Variants in PHC3 observed in about 807,000 individuals in gnomAD.
PHC3 encodes the protein polyhomeotic homolog 3.
A neutral mutation model predicts 107.4 loss-of-function variants in PHC3; 13 were observed. The observed-to-expected ratio is 0.12, with a 90% CI of 0.08 to 0.19. The LOEUF is 0.19. PHC3 is among the 10% of genes least tolerant of loss of function. The pLI, the probability that PHC3 is intolerant of heterozygous loss-of-function variation, is 1.00. For synonymous variants in PHC3, 456 were observed against 427.4 expected, an observed-to-expected ratio of 1.07 and a Z score of -0.83; for missense variants, 992 against 1,210.9, an observed-to-expected ratio of 0.82 and a Z score of 2.68.
At chr3:170,172,764 T>C in intron 2 of PHC3, 52 bp from the exon 3 acceptor site, 1 of 1,536,918 alleles carries the variant, frequency 6.5e-7, no homozygotes, top group Non-Finnish European at 8.8e-7. Context: ...ACCTTTATCT[T>C]AATCAGAAAA....
intron 6 of PHC3, among the ~76,000 whole-genome samples, chr3:170,137,192 C>A (rs746955326): frequency 1.4e-4 from 21 of 152,114 alleles, no homozygotes; most frequent in Non-Finnish European, 2.6e-4. Context: ...CATTTTCAAG[C>A]AACTCTTTTA....
At chr3:170,099,683 A>C (rs1355785189) in intron 14 of PHC3, among the ~76,000 whole-genome samples, 1 of 152,294 alleles carries the variant, frequency 6.6e-6, no homozygotes, top group East Asian at 1.9e-4. Context: ...GTCTGGCATC[A>C]CTTCTCCAGC....
intron 1 of PHC3, among the ~76,000 whole-genome samples, chr3:170,179,582 A>G (rs995639195): frequency 1.3e-5 from 2 of 152,242 alleles, no homozygotes; most frequent in Non-Finnish European, 2.9e-5. Flanking sequence ...GAGAAGCAGC[A>G]AACAGCAACT....
chr3:170,148,662 C>T (rs1157065727), intron 5 of PHC3: 1 of 153,446 alleles, frequency 6.5e-6, no homozygotes, highest in African/African-American at 2.4e-5. Context: ...ACTTTAACAA[C>T]AAAGTTTTTT....
intron 8 of PHC3, among the ~76,000 whole-genome samples, chr3:170,123,054 G>A (rs887012762): frequency 1.3e-5 from 2 of 151,924 alleles, no homozygotes; most frequent in African/African-American, 4.8e-5. Context: ...ATAAAATAAC[G>A]ATTTTGGGAA....
intron 4 of PHC3, among the ~76,000 whole-genome samples, chr3:170,162,057 T>C (rs1044330290): frequency 6.6e-6 from 1 of 152,234 alleles, no homozygotes; most frequent in African/African-American, 2.4e-5. Flanking sequence ...TTAGATAATT[T>C]AATTTTACAG....
intron 6 of PHC3, among the ~76,000 whole-genome samples, chr3:170,141,610 T>C (rs552671539): frequency 6.6e-6 from 1 of 152,234 alleles, no homozygotes; most frequent in East Asian, 1.9e-4. Flanking sequence ...TAAATTCTTT[T>C]TTTGTTTTGT....
chr3:170,169,400 C>G (rs986688150), intron 4 of PHC3, among the ~76,000 whole-genome samples: 2 of 152,174 alleles, frequency 1.3e-5, no homozygotes, highest in Admixed American at 1.3e-4. Context: ...ACCATGCTCC[C>G]CCCCGTTTTT....
At chr3:170,103,629 A>C (rs766594509) in intron 12 of PHC3, among the ~76,000 whole-genome samples, 2 of 152,220 alleles carry the variant, frequency 1.3e-5, no homozygotes, top group Non-Finnish European at 2.9e-5. Flanking sequence ...TGGATCCTAA[A>C]GCCCTGGAAC....
chr3:170,102,634 C>T lies in PHC3; in HGVS notation c.2678G>A (p.Arg893His), dbSNP rs766618423. 24 of 1,613,826 alleles carry T rather than the reference C, an allele frequency of 1.5e-5. No individual in the cohort carries two copies. Among genetic ancestry groups the T allele is most frequent in the Non-Finnish European group, 1.9e-5 (23 of 1,179,862 alleles). Residue 893 changes from arginine to histidine, a missense_variant, in exon 14 of 15, where the codon CGT becomes CAT. Arg to His is a conservative substitution (Grantham distance 29). Transcript: ENST00000495893. ...TTCCCGCTCGCTCTGCCTGCGCAGA[C>T]GAGTTGTCATAGCAGATGGCACAGA... ...EDSVPSAMTT[R>H]LRRQSERERE...
chr3:170,114,847 C>G (rs893032051), intron 10 of PHC3, among the ~76,000 whole-genome samples: 1 of 152,190 alleles, frequency 6.6e-6, no homozygotes, highest in African/African-American at 2.4e-5. Context: ...GAAACTTCTA[C>G]ATTTAACTTT....
At chr3:170,127,894 T>C (rs900300982) in intron 8 of PHC3, among the ~76,000 whole-genome samples, 6 of 152,184 alleles carry the variant, frequency 3.9e-5, no homozygotes, top group Middle Eastern at 3.2e-3. Flanking sequence ...TAGGCAACAA[T>C]TGTTTTTAGA....
chr3:170,153,535 G>A (rs535542766), intron 4 of PHC3, among the ~76,000 whole-genome samples: 61 of 152,072 alleles, frequency 4.0e-4, no homozygotes, highest in African/African-American at 1.3e-3. Context: ...AGGCCGAGGC[G>A]GGCGGATCAC....
chr3:170,113,243 GA>G, intron 11 of PHC3, 116 bp downstream of exon 11: 1 of 967,828 alleles, frequency 1.0e-6, no homozygotes, highest in Non-Finnish European at 1.4e-6. Flanking sequence ...TGCATTATAT[GA>G]AAATAAAAGT....
In PHC3 at chr3:170,122,663, G is replaced by A; in HGVS notation, c.1870C>T (p.Pro624Ser). The change falls in exon 9 of 15, where the codon CCA becomes TCA. Residue 624 changes from proline (P) to serine (S), a missense_variant. By Grantham distance (74) the Pro-to-Ser change is moderately conservative. Transcript: ENST00000495893. ...ATAGCTGCTGGAGACAAAGTGGGTG[G>A]TGGTGGGGTTCTATCCATCCGGACA... ...ECVRMDRTPPPPTLSPAAITV... is the reference protein window; with the variant it reads ...ECVRMDRTPPSPTLSPAAITV... The A allele has an allele frequency of 6.2e-7, 1 of 1,613,918 alleles. No individual in the cohort carries two copies. The highest frequency in any genetic ancestry group is 8.5e-7 in the Non-Finnish European group (1 of 1,179,838).
rs1560033021 is a variant in PHC3, at chr3:170,111,261, AG to A, written c.2353+2098del. On this transcript the variant is annotated intron_variant, in intron 11 of 14. Coordinates refer to ENST00000495893, the MANE Select transcript of PHC3 (RefSeq NM_024947.4). The stretch of plus-strand genomic sequence containing the variant: ...GACTACGATTTTCTTTAAAACAAGA[AG>A]AAGGAAGGAAGGAAGGAAGGAAGGA... Among the ~76,000 whole-genome samples, 1,029 of 121,328 alleles carry A rather than the reference AG, an allele frequency of 8.5e-3. 32 individuals are homozygous for A. Among genetic ancestry groups the A allele is most frequent in the East Asian group, 0.075 (308 of 4,084 alleles). 79.6% of individuals were successfully genotyped at this position (121,328 alleles called of 152,430 possible).
intron 4 of PHC3, chr3:170,171,062 C>T (rs1419286027): frequency 1.0e-5 from 4 of 394,532 alleles, no homozygotes; most frequent in Admixed American, 4.5e-5. Flanking sequence ...AATTCATGGC[C>T]AATATCCCTG....
intron 4 of PHC3, among the ~76,000 whole-genome samples, chr3:170,162,538 T>TA (rs909224160): frequency 2.0e-5 from 3 of 152,116 alleles, no homozygotes; most frequent in Non-Finnish European, 4.4e-5. Flanking sequence ...AATTAAAGGT[T>TA]AAAAAAAATT....
chr3:170,113,424 T>C lies in PHC3; in HGVS notation c.2289A>G (p.Leu763=), dbSNP rs745732813. 6.2e-7 allele frequency: 1 copy of C among 1,613,488 alleles called. No homozygotes were observed. The highest frequency in any genetic ancestry group is 1.7e-5 in the Admixed American group (1 of 59,984). The change falls in exon 11 of 15, where the codon CTA becomes CTG. Residue 763 remains leucine, a synonymous_variant. Coordinates refer to ENST00000495893, the MANE Select transcript of PHC3 (RefSeq NM_024947.4). ...VINSVCVQPE[L]QNNTKHADNS... The stretch of plus-strand genomic sequence containing the variant: ...TATCCGCATGTTTTGTATTATTCTG[T>C]AGCTCTGGCTGAACACACACTGAAT...
Sources: gnomAD v4.1 joint callset for allele counts (sites outside exome capture counted in the v4.1 genomes callset) on GRCh38, gnomAD v4.1.1 for gene constraint, MANE v1.5 for transcripts, NCBI Gene and HGNC (gene_info 2026-07-23, HGNC 2026-07-21) for gene names.